TTC7A: variants seen among roughly 807,000 people sequenced by gnomAD.
TTC7A encodes tetratricopeptide repeat protein 7A.
TTC7A carries 110 observed loss-of-function variants against 103.7 expected under a neutral mutation model. The observed-to-expected ratio is 1.06, with a 90% CI of 0.91 to 1.24. The LOEUF (loss-of-function observed/expected upper bound fraction) is 1.24. Among genes scored for constraint, TTC7A ranks in the 50% most tolerant of loss-of-function variants. The pLI, the probability that TTC7A is intolerant of heterozygous loss-of-function variation, is 0.00. For synonymous variants in TTC7A, 521 were observed against 467.9 expected, an observed-to-expected ratio of 1.11 and a Z score of -1.47; for missense variants, 1,340 against 1,116.3, an observed-to-expected ratio of 1.20 and a Z score of -2.86.
rs1358853774 is a variant in TTC7A, at chr2:46,997,251, T to A, written c.1065+2052T>A. Among the ~76,000 whole-genome samples the A allele has an allele frequency of 3.9e-5, 6 of 152,130 alleles. No individual in the cohort carries two copies. The South Asian group carries it at 1.2e-3, about 32-fold the overall frequency. The stretch of plus-strand genomic sequence containing the variant: ...GCCTCAGCCTCCCAAAGTGCTGGGA[T>A]TACAGGCATGAGCCACTGTGCCCGG... On this transcript the variant is annotated intron_variant, in intron 8 of 19. Coordinates refer to ENST00000319190, the MANE Select transcript of TTC7A (RefSeq NM_020458.4).
intron 2 of TTC7A, among the ~76,000 whole-genome samples, chr2:46,929,744 G>A (rs1228815507): frequency 3.3e-5 from 5 of 152,186 alleles, no homozygotes; most frequent in African/African-American, 1.2e-4. Context: ...GATATGGGAT[G>A]CTATATTATT....
chr2:46,974,802 C>A, intron 3 of TTC7A, 171 bp from the exon 4 acceptor site: 1 of 874,364 alleles, frequency 1.1e-6, no homozygotes, highest in African/African-American at 1.7e-5. Context: ...CCAGCCACTG[C>A]TAACACCACC....
intron 18 of TTC7A, among the ~76,000 whole-genome samples, chr2:47,055,001 T>C (rs1249378982): frequency 6.6e-6 from 1 of 151,794 alleles, no homozygotes; most frequent in African/African-American, 2.4e-5. Context: ...CCCTGAGCCC[T>C]CTCCCCTCCC....
intron 7 of TTC7A, 56 bp downstream of exon 7, chr2:46,994,570 T>G: frequency 6.4e-7 from 1 of 1,570,364 alleles, no homozygotes; most frequent in Non-Finnish European, 8.7e-7. Flanking sequence ...CGCAGGGTTC[T>G]GTCCCCACTG....
chr2:47,028,972 G>A (rs978221419), intron 14 of TTC7A, among the ~76,000 whole-genome samples: 1 of 152,214 alleles, frequency 6.6e-6, no homozygotes, highest in Admixed American at 6.5e-5. Context: ...CATTTAGGAA[G>A]TGCTTCCTGG....
intron 15 of TTC7A, among the ~76,000 whole-genome samples, chr2:47,034,879 A>T (rs760336878): frequency 6.6e-5 from 10 of 152,130 alleles, no homozygotes; most frequent in Non-Finnish European, 1.3e-4. Context: ...TACAGGAATA[A>T]TATGGGCTTC....
rs182904736 is a variant in TTC7A, at chr2:46,926,218, G to T, written c.82+8941G>T. On this transcript the variant is annotated intron_variant, in intron 2 of 20. Coordinates refer to the TTC7A transcript ENST00000409245. Reference sequence around the variant, plus strand: ...ACTGAAGCCTTACCATCTCCTCAGAGTGGAGCAGTGCTAGATGGTCGGGGA... The same window carrying T: ...ACTGAAGCCTTACCATCTCCTCAGATTGGAGCAGTGCTAGATGGTCGGGGA... Among the ~76,000 whole-genome samples the T allele has an allele frequency of 8.7e-4, 132 of 152,332 alleles. No homozygotes were observed. The Middle Eastern group carries it at 0.01, about 12-fold the overall frequency.
At chr2:47,034,119 A>G (rs1680853926) in intron 15 of TTC7A, 1 of 152,242 alleles carries the variant, frequency 6.6e-6, no homozygotes, top group Non-Finnish European at 1.5e-5. Flanking sequence ...AAAAAACGTG[A>G]TGAGGCAGAG....
upstream of TTC7A, among the ~76,000 whole-genome samples, chr2:46,940,658 A>G (rs1366180104): frequency 6.6e-6 from 1 of 152,256 alleles, no homozygotes; most frequent in Non-Finnish European, 1.5e-5. The surrounding 1 kb of genome is among the most constrained non-coding windows in gnomAD (Gnocchi z 4.7). Flanking sequence ...GGGTTAGGGA[A>G]GTCAAGTTGG....
chr2:46,999,752 T>C, intron 8 of TTC7A: 1 of 985,474 alleles, frequency 1.0e-6, no homozygotes, highest in Non-Finnish European at 1.2e-6. Context: ...TTCTTATTTC[T>C]GAAATACTGA....
chr2:47,064,761 A>AG (rs1684053968), intron 19 of TTC7A, among the ~76,000 whole-genome samples: 1 of 152,120 alleles, frequency 6.6e-6, no homozygotes, highest in Non-Finnish European at 1.5e-5. Flanking sequence ...TCATGGTGGG[A>AG]GGGTCATTGG....
At chr2:47,052,509 C>A (rs1682949329) in intron 18 of TTC7A, among the ~76,000 whole-genome samples, 1 of 152,194 alleles carries the variant, frequency 6.6e-6, no homozygotes, top group Non-Finnish European at 1.5e-5. Context: ...TCCGTCTCGT[C>A]CATGGCAGTC....
intron 2 of TTC7A, among the ~76,000 whole-genome samples, chr2:46,934,787 C>CTTTTTTTTTTTTTTTTTTTTT (rs1161003607): frequency 1.5e-5 from 1 of 66,888 alleles, no homozygotes; most frequent in Non-Finnish European, 2.7e-5. Context: ...GACTACTGCT[C>CTTTTTTTTTTTTTTTTTTTTT]TTTTTTTTTT....
At chr2:46,953,685 A>G (rs1671597622) in intron 2 of TTC7A, among the ~76,000 whole-genome samples, 1 of 152,180 alleles carries the variant, frequency 6.6e-6, no homozygotes, top group Admixed American at 6.5e-5. Flanking sequence ...TGTGGAGATC[A>G]GTGAAAACAA....
chr2:46,974,208 C>A (rs1299283325), intron 3 of TTC7A, among the ~76,000 whole-genome samples: 1 of 152,226 alleles, frequency 6.6e-6, no homozygotes. Flanking sequence ...GGTACAGGCT[C>A]CTGCCTTTAA....
chr2:47,003,362 A>C (rs1324182146), intron 8 of TTC7A, among the ~76,000 whole-genome samples: 1 of 152,084 alleles, frequency 6.6e-6, no homozygotes, highest in Non-Finnish European at 1.5e-5. Flanking sequence ...GTGCTGTAAG[A>C]GGGTGGTCCT....
chr2:47,069,126 C>T (rs1011667299), intron 19 of TTC7A, among the ~76,000 whole-genome samples: 5 of 152,060 alleles, frequency 3.3e-5, no homozygotes, highest in African/African-American at 1.2e-4. Flanking sequence ...AGGCAGTGCT[C>T]CAGGATGGGT....
At chr2:47,011,047 T>G (rs1292451965) in intron 10 of TTC7A, among the ~76,000 whole-genome samples, 2 of 152,154 alleles carry the variant, frequency 1.3e-5, no homozygotes, top group African/African-American at 4.8e-5. Context: ...GTGCTTGAAA[T>G]TTGAATTCCT....
At chr2:46,985,960 G>A (rs1236418572) in intron 5 of TTC7A, among the ~76,000 whole-genome samples, 6 of 152,200 alleles carry the variant, frequency 3.9e-5, no homozygotes, top group Non-Finnish European at 8.8e-5. Context: ...TTTTAGCAAC[G>A]TCTCTGGCTT....
Sources: gnomAD v4.1 joint callset for allele counts (sites outside exome capture counted in the v4.1 genomes callset) on GRCh38, gnomAD v4.1.1 for gene constraint, Gnocchi (gnomAD v3.1) non-coding constraint, MANE v1.5 for transcripts, NCBI Gene and HGNC (gene_info 2026-07-23, HGNC 2026-07-21) for gene names.